Variants in TENT5D observed in about 807,000 individuals in gnomAD.
TENT5D encodes the protein terminal nucleotidyltransferase 5D, also known as cancer/testis antigen 112.
For missense variants in TENT5D, 191 were observed against 287.0 expected, an observed-to-expected ratio of 0.67 and a Z score of 2.42; for synonymous variants, 103 against 100.6, an observed-to-expected ratio of 1.02 and a Z score of -0.15.
At chrX:80,426,323 A>G (rs1931987895) in intron 1 of TENT5D, among the ~76,000 whole-genome samples, 1 of 111,634 alleles carries the variant, frequency 9.0e-6, no homozygotes, top group Non-Finnish European at 1.9e-5. Context: ...GAAAAATCAA[A>G]AGCCTTTTAT....
rs189029709 is a variant in TENT5D, at chrX:80,430,235, C to A, written c.-141-8375C>A. 2.3e-3 allele frequency among the ~76,000 whole-genome samples: 259 copies of A among 111,508 alleles called. 1 individual carries two copies. The highest frequency in any genetic ancestry group is 7.6e-3 in the African/African-American group (234 of 30,650). On this transcript the variant is annotated intron_variant, in intron 1 of 2. Transcript: ENST00000308293. ...GTCATTAGAAAACTTGCCTAGGACA[C>A]CCTTTATTTGTTTAAGGTTCTGCAA...
In TENT5D at chrX:80,408,059, CAAAG is replaced by C. The variant is rs1303300790; in HGVS notation, c.-141-30549_-141-30546del. ...AGATGTTCTTTGAAACCAACGAGAA[CAAAG>C]ACACAACATACCAGAATCTCTGGGA... On this transcript the variant is annotated intron_variant, in intron 3 of 4. Coordinates refer to the TENT5D transcript ENST00000538312. 6.6e-3 allele frequency among the ~76,000 whole-genome samples: 725 copies of C among 109,402 alleles called. 5 individuals carry two copies. The highest frequency in any genetic ancestry group is 0.022 in the African/African-American group (667 of 30,052).
At chrX:80,376,652 G>A (rs769719607) in intron 3 of TENT5D, among the ~76,000 whole-genome samples, 9 of 110,974 alleles carry the variant, frequency 8.1e-5, no homozygotes, top group African/African-American at 2.9e-4. Flanking sequence ...TCCCCATGTA[G>A]GTTTTTCTTG....
chrX:80,402,697 A>G (rs973882048), intron 3 of TENT5D, among the ~76,000 whole-genome samples: 5 of 111,774 alleles, frequency 4.5e-5, no homozygotes, highest in Non-Finnish European at 9.4e-5. Flanking sequence ...AATTTTATAT[A>G]ATTTCTCCTG....
chrX:80,368,952 G>A (rs1199619198), intron 3 of TENT5D, among the ~76,000 whole-genome samples: 2 of 111,379 alleles, frequency 1.8e-5, no homozygotes, highest in Non-Finnish European at 3.8e-5. Flanking sequence ...ACTTGTGAAT[G>A]GCAAAAGTTC....
chrX:80,358,310 C>G (rs202178604), intron 3 of TENT5D, among the ~76,000 whole-genome samples: 3 of 111,408 alleles, frequency 2.7e-5, no homozygotes, highest in East Asian at 5.6e-4. Context: ...CCAAAATTGA[C>G]AAATGGGATC....
At chrX:80,407,280 G>T (rs1015312673) in intron 3 of TENT5D, among the ~76,000 whole-genome samples, 1 of 110,697 alleles carries the variant, frequency 9.0e-6, no homozygotes, top group Admixed American at 9.6e-5. Context: ...TGGACTAAAT[G>T]CTCCAATTAA....
At chrX:80,374,169 T>C (rs1483772090) in intron 3 of TENT5D, among the ~76,000 whole-genome samples, 1 of 111,704 alleles carries the variant, frequency 9.0e-6, no homozygotes, top group Non-Finnish European at 1.9e-5. Flanking sequence ...GCAAAGGACA[T>C]GATCTTGTGC....
intron 2 of TENT5D, among the ~76,000 whole-genome samples, chrX:80,338,432 T>C (rs1339953060): frequency 2.7e-5 from 3 of 112,305 alleles, no homozygotes; most frequent in South Asian, 3.7e-4. Context: ...TCAGCAGCTA[T>C]TGAACATGTT....
chrX:80,371,831 A>G (rs1930628807), intron 3 of TENT5D, among the ~76,000 whole-genome samples: 1 of 111,938 alleles, frequency 8.9e-6, no homozygotes, highest in Admixed American at 9.6e-5. Context: ...ATCAACAATA[A>G]GGCTCTTACG....
At chrX:80,407,230 G>A in intron 3 of TENT5D, among the ~76,000 whole-genome samples, 1 of 108,659 alleles carries the variant, frequency 9.2e-6, no homozygotes, top group South Asian at 4.1e-4. Flanking sequence ...ATAATGACAG[G>A]ATCAAATCCA....
chrX:80,425,457 T>A (rs987436864), intron 1 of TENT5D, among the ~76,000 whole-genome samples: 3 of 112,558 alleles, frequency 2.7e-5, no homozygotes, highest in African/African-American at 9.7e-5. Flanking sequence ...TTTTTATGAA[T>A]CCTGTATGCT....
chrX:80,418,541 C>T (rs1429905707), upstream of TENT5D, among the ~76,000 whole-genome samples: 1 of 111,480 alleles, frequency 9.0e-6, no homozygotes, highest in East Asian at 2.8e-4. Context: ...GATTGCTAAA[C>T]AGCTATTTAG....
At chrX:80,383,126 A>T (rs1930910537) in intron 3 of TENT5D, among the ~76,000 whole-genome samples, 2 of 112,434 alleles carry the variant, frequency 1.8e-5, no homozygotes, top group African/African-American at 6.5e-5. Context: ...GCCATCTTGG[A>T]ACAGATCCAA....
At chrX:80,354,621 C>T (rs1339733358) in intron 3 of TENT5D, among the ~76,000 whole-genome samples, 2 of 111,670 alleles carry the variant, frequency 1.8e-5, no homozygotes. Context: ...TGGGTTTCAA[C>T]CTTCTGTATG....
At chrX:80,397,792 G>T (rs1931309558) in intron 3 of TENT5D, among the ~76,000 whole-genome samples, 1 of 112,425 alleles carries the variant, frequency 8.9e-6, no homozygotes, top group African/African-American at 3.2e-5. Context: ...AGTCAGGCGT[G>T]GCGGCGCGCG....
At chrX:80,439,861 T>C (rs1302630295) in intron 2 of TENT5D, among the ~76,000 whole-genome samples, 2 of 111,100 alleles carry the variant, frequency 1.8e-5, no homozygotes, top group Non-Finnish European at 3.8e-5. Context: ...TTTTAAAAAT[T>C]TGTAATTTTC....
intron 3 of TENT5D, among the ~76,000 whole-genome samples, chrX:80,389,615 C>A (rs1038625287): frequency 1.8e-5 from 2 of 111,983 alleles, no homozygotes; most frequent in African/African-American, 6.5e-5. Context: ...TAGTAGAAAA[C>A]CAGATGAGTG....
intron 1 of TENT5D, among the ~76,000 whole-genome samples, chrX:80,432,397 G>A (rs907033509): frequency 9.0e-6 from 1 of 111,162 alleles, no homozygotes; most frequent in Non-Finnish European, 1.9e-5. Flanking sequence ...TTTTCAACAC[G>A]TGAGGGCAAA....
Sources: gnomAD v4.1 joint callset for allele counts (sites outside exome capture counted in the v4.1 genomes callset) on GRCh38, gnomAD v4.1.1 for gene constraint, MANE v1.5 for transcripts, NCBI Gene and HGNC (gene_info 2026-07-23, HGNC 2026-07-21) for gene names.